Variants in TCAIM observed in about 807,000 individuals in gnomAD.
TCAIM encodes T cell activation inhibitor, mitochondrial, also known as T-cell activation inhibitor, mitochondrial.
In TCAIM, 36 loss-of-function variants were observed where a neutral mutation model predicts 58.6. The observed-to-expected ratio is 0.61, with a 90% CI of 0.47 to 0.81. The LOEUF (loss-of-function observed/expected upper bound fraction) is 0.81. Ranked by LOEUF, TCAIM falls within the 30% of genes least tolerant of loss-of-function variation. The pLI is 0.00. For missense variants in TCAIM, 466 were observed against 579.6 expected (o/e 0.80, Z 2.01); for synonymous variants, 172 against 193.6 (o/e 0.89, Z 0.93).
chr3:44,344,459 T>C (rs1033575362), intron 1 of TCAIM, among the ~76,000 whole-genome samples: 1 of 152,224 alleles, frequency 6.6e-6, no homozygotes, highest in Admixed American at 6.5e-5. Flanking sequence ...AACAGAAATA[T>C]ATTTCTTGCG....
intron 1 of TCAIM, among the ~76,000 whole-genome samples, chr3:44,352,497 G>A (rs939518252): frequency 1.3e-5 from 2 of 152,048 alleles, no homozygotes; most frequent in African/African-American, 4.8e-5. Context: ...GCAATTTTAG[G>A]TTCACAGCAA....
intron 1 of TCAIM, among the ~76,000 whole-genome samples, chr3:44,342,794 T>C (rs1368124295): frequency 4.0e-5 from 6 of 151,620 alleles, no homozygotes; most frequent in Non-Finnish European, 8.8e-5. Context: ...AGTGCATATA[T>C]AAGTCTTTCC....
At chr3:44,367,182 G>A (rs557515899) in intron 4 of TCAIM, among the ~76,000 whole-genome samples, 10 of 152,274 alleles carry the variant, frequency 6.6e-5, no homozygotes, top group African/African-American at 2.2e-4. Flanking sequence ...GATGGGTTTG[G>A]TCACTGGAGC....
intron 1 of TCAIM, among the ~76,000 whole-genome samples, chr3:44,352,768 C>G (rs1701116755): frequency 6.6e-6 from 1 of 152,076 alleles, no homozygotes; most frequent in Non-Finnish European, 1.5e-5. Context: ...CCTAAAAATC[C>G]TCTGAGCTCT....
intron 5 of TCAIM, among the ~76,000 whole-genome samples, chr3:44,371,473 T>A (rs1323580703): frequency 1.3e-5 from 2 of 152,110 alleles, no homozygotes; most frequent in Admixed American, 6.6e-5. Context: ...AAGTCCAGGT[T>A]GGGTAGGAGA....
rs531632613 is a variant in TCAIM, at chr3:44,392,880, A to G, written c.598A>G (p.Ser200Gly). ...LTSWLDNNGK[S>G]AVKKLKNSLP... ...ATCCTGGTTAGATAACAATGGGAAA[A>G]GTGCTGTTAAAAAGCTAAAGAACAG... Residue 200 changes from serine to glycine, a missense_variant, in exon 6 of 11, where the codon AGT becomes GGT. Transcript: ENST00000342649. 1.7e-4 allele frequency: 282 copies of G among 1,613,304 alleles called. 3 individuals are homozygous for G. In the South Asian group the frequency reaches 2.8e-3, roughly 16 times the overall value.
chr3:44,358,482 C>A, intron 3 of TCAIM: 1 of 505,370 alleles, frequency 2.0e-6, no homozygotes, highest in Non-Finnish European at 3.4e-6. Flanking sequence ...ATCTGTACTA[C>A]ACATGAACAA....
chr3:44,360,022 T>G (rs960461695), intron 3 of TCAIM, among the ~76,000 whole-genome samples: 12 of 152,208 alleles, frequency 7.9e-5, no homozygotes, highest in Admixed American at 7.9e-4. Context: ...CAGATATGGC[T>G]TGTCCTTTAC....
chr3:44,406,626 A>C (rs1465489176), intron 10 of TCAIM, among the ~76,000 whole-genome samples: 1 of 152,194 alleles, frequency 6.6e-6, no homozygotes, highest in Non-Finnish European at 1.5e-5. Flanking sequence ...CTACTTTTCT[A>C]TGCAGTGTTT....
intron 5 of TCAIM, among the ~76,000 whole-genome samples, chr3:44,377,747 T>G (rs879431430): frequency 2.6e-5 from 4 of 152,096 alleles, no homozygotes; most frequent in Admixed American, 6.6e-5. Flanking sequence ...ATTGTGGAAA[T>G]TAAAGCACTC....
intron 5 of TCAIM, 81 bp downstream of exon 5, chr3:44,367,789 T>C: frequency 7.4e-7 from 1 of 1,350,854 alleles, no homozygotes; most frequent in South Asian, 1.7e-5. Context: ...GCAAAAACAT[T>C]TTTTTATAAA....
intron 1 of TCAIM, among the ~76,000 whole-genome samples, chr3:44,344,843 G>A (rs1700932450): frequency 6.6e-6 from 1 of 152,100 alleles, no homozygotes; most frequent in Admixed American, 6.5e-5. Flanking sequence ...GTTCTCTTGC[G>A]GGCAGGGGCG....
intron 5 of TCAIM, among the ~76,000 whole-genome samples, chr3:44,381,751 A>AG (rs1364825795): frequency 1.9e-4 from 29 of 152,204 alleles, no homozygotes; most frequent in Non-Finnish European, 4.4e-5. Context: ...TCCACTGAAG[A>AG]ATCTGTTAGA....
intron 10 of TCAIM, among the ~76,000 whole-genome samples, chr3:44,403,836 T>G (rs1452888694): frequency 6.6e-6 from 1 of 152,122 alleles, no homozygotes; most frequent in East Asian, 1.9e-4. Context: ...CTGCTGCACC[T>G]GGTCTGAGCC....
chr3:44,388,927 C>T (rs2125649661), intron 5 of TCAIM, among the ~76,000 whole-genome samples: 1 of 152,312 alleles, frequency 6.6e-6, no homozygotes, highest in Non-Finnish European at 1.5e-5. Flanking sequence ...CCCAACATCT[C>T]AGTGCTACAT....
At chr3:44,379,614 A>G (rs1202302510) in intron 5 of TCAIM, among the ~76,000 whole-genome samples, 1 of 152,212 alleles carries the variant, frequency 6.6e-6, no homozygotes, top group African/African-American at 2.4e-5. Flanking sequence ...TAGCAAACTA[A>G]TGCCGTGACA....
intron 5 of TCAIM, among the ~76,000 whole-genome samples, chr3:44,380,094 G>GTAAAATA (rs568930182): frequency 8.6e-5 from 13 of 152,040 alleles, no homozygotes; most frequent in Non-Finnish European, 1.9e-4. Context: ...AATGTAAAAT[G>GTAAAATA]TAAAGTAGTA....
chr3:44,394,765 G>A (rs1465785593), intron 6 of TCAIM, among the ~76,000 whole-genome samples: 3 of 150,026 alleles, frequency 2.0e-5, no homozygotes, highest in Non-Finnish European at 4.4e-5. Context: ...CTGGTGGCAC[G>A]TGCCTGTAAT....
At chr3:44,382,543 C>G (rs1464784467) in intron 5 of TCAIM, among the ~76,000 whole-genome samples, 2 of 152,098 alleles carry the variant, frequency 1.3e-5, no homozygotes, top group Non-Finnish European at 2.9e-5. Flanking sequence ...GGAAAACTGG[C>G]CACATGCAAA....
Sources: gnomAD v4.1 joint callset for allele counts (sites outside exome capture counted in the v4.1 genomes callset) on GRCh38, gnomAD v4.1.1 for gene constraint, MANE v1.5 for transcripts, NCBI Gene and HGNC (gene_info 2026-07-23, HGNC 2026-07-21) for gene names.